Variants in ZNF700 observed in about 807,000 individuals in gnomAD.
ZNF700 encodes zinc finger protein 700.
Under a neutral mutation model 65.3 loss-of-function variants are expected in ZNF700, and 38 were observed. That is an observed-to-expected ratio of 0.58 (90% CI 0.45 to 0.76). The LOEUF (loss-of-function observed/expected upper bound fraction) is 0.76. Among genes scored for constraint, ZNF700 ranks in the 30% least tolerant of loss-of-function variants. The pLI is 0.00. For missense variants in ZNF700, 857 were observed against 888.4 expected, an observed-to-expected ratio of 0.96 and a Z score of 0.45; for synonymous variants, 285 against 290.4, an observed-to-expected ratio of 0.98 and a Z score of 0.19.
chr19:11,928,270 A>G (rs1972662161), intron 1 of ZNF700, among the ~76,000 whole-genome samples: 1 of 152,118 alleles, frequency 6.6e-6, no homozygotes, highest in Non-Finnish European at 1.5e-5. Context: ...ACAGATACAG[A>G]TATCAGCCAC....
chr19:11,936,676 G>A (rs556198781), intron 1 of ZNF700, among the ~76,000 whole-genome samples: 9 of 152,292 alleles, frequency 5.9e-5, no homozygotes. Flanking sequence ...TTGCTGTGCA[G>A]AAGCTCTTTA....
intron 1 of ZNF700, among the ~76,000 whole-genome samples, chr19:11,937,305 G>A (rs1234718762): frequency 6.6e-6 from 1 of 151,966 alleles, no homozygotes; most frequent in Non-Finnish European, 1.5e-5. Flanking sequence ...TAATCCAGGT[G>A]TTTCAGTACC....
Position 11,947,241 on chromosome 19 carries a change from G to T in ZNF700, c.124G>T (p.Asp42Tyr), listed in dbSNP as rs1375946632. The change falls in exon 2 of 4, where the codon GAT (aspartate) becomes TAT (tyrosine). Residue 42 changes from aspartate (D) to tyrosine (Y), a missense_variant. This residue lies in a region of ZNF700 where 603 missense variants were observed against 619.9 expected (regional missense o/e 0.97). Coordinates refer to ENST00000254321, the MANE Select transcript of ZNF700 (RefSeq NM_144566.3). Reference sequence around the variant, plus strand: ...CACCCAGGAAGAGTGGACATTGCTGGATATTTCCCAGAAGAATCTCTTCAG... The same window carrying T: ...CACCCAGGAAGAGTGGACATTGCTGTATATTTCCCAGAAGAATCTCTTCAG... ...NFTQEEWTLLDISQKNLFREV... is the reference protein window; with the variant it reads ...NFTQEEWTLLYISQKNLFREV... 2 of 1,614,048 alleles carry T rather than the reference G, an allele frequency of 1.2e-6. No individual in the cohort carries two copies. Among genetic ancestry groups the T allele is most frequent in the Non-Finnish European group, 1.7e-6 (2 of 1,179,988 alleles).
At chr19:11,927,592 CTGTGCCTA>C (rs1972650650) in intron 1 of ZNF700, among the ~76,000 whole-genome samples, 1 of 152,086 alleles carries the variant, frequency 6.6e-6, no homozygotes, top group African/African-American at 2.4e-5. Context: ...AATAAACTAC[CTGTGCCTA>C]TGTGCATGTG....
At chr19:11,928,827 C>T (rs372103277) in intron 1 of ZNF700, among the ~76,000 whole-genome samples, 4 of 147,490 alleles carry the variant, frequency 2.7e-5, no homozygotes, top group African/African-American at 5.3e-5. Flanking sequence ...CACCTGTAAC[C>T]CCAGCACTGT....
At position 11,929,224 on chromosome 19, in the gene ZNF700, C is replaced by T. The variant is rs189376558; in HGVS notation, c.63+3951C>T. ...TCTGTCACCCAGGCTGGAGTGCAGG[C>T]GCGATCTCAGCTCACTGCAGCCTCC... On this transcript the variant is annotated intron_variant, in intron 1 of 3. Transcript: ENST00000254321. Among the ~76,000 whole-genome samples, 20 of 148,456 alleles carry T rather than the reference C, an allele frequency of 1.3e-4. 1 individual carries two copies. Among genetic ancestry groups the T allele is most frequent in the Admixed American group, 6.0e-4 (9 of 15,116 alleles).
chr19:11,927,000 A>G (rs188489090), intron 1 of ZNF700, among the ~76,000 whole-genome samples: 26 of 152,294 alleles, frequency 1.7e-4, no homozygotes, highest in Admixed American at 4.6e-4. Flanking sequence ...GAGTTCTTGA[A>G]TCTCACACAG....
chr19:11,935,229 T>A, intron 1 of ZNF700, among the ~76,000 whole-genome samples: 1 of 139,388 alleles, frequency 7.2e-6, no homozygotes. Flanking sequence ...CTTGGAAAGA[T>A]CTTGTTTTTT....
At chr19:11,933,545 C>T (rs1487409916) in intron 1 of ZNF700, among the ~76,000 whole-genome samples, 4 of 147,628 alleles carry the variant, frequency 2.7e-5, no homozygotes, top group Non-Finnish European at 4.4e-5. Flanking sequence ...TCTGCCACCC[C>T]TATTTATCCC....
rs796110833 is a variant in ZNF700 at position 11,942,909 on chromosome 19, T to TC, written c.64-4266dup. On this transcript the variant is annotated intron_variant, in intron 1 of 3. Transcript: ENST00000254321. ...TAAGAGAGGTGGTCTCCTTCCTTAT[T>TC]CCCCCCTTTGAGAATCTCACTTATT... 2.4e-4 allele frequency among the ~76,000 whole-genome samples: 37 copies of TC among 152,286 alleles called. 3 individuals are homozygous for TC. The highest frequency in any genetic ancestry group is 7.9e-4 in the African/African-American group (33 of 41,558).
chr19:11,950,032 C>T lies in ZNF700; in HGVS notation c.2008C>T (p.His670Tyr). The T allele has an allele frequency of 6.2e-7, 1 of 1,614,040 alleles. No homozygotes were observed. Among genetic ancestry groups the T allele is most frequent in the Non-Finnish European group, 8.5e-7 (1 of 1,179,992 alleles). Residue 670 changes from histidine to tyrosine, a missense_variant, in exon 4 of 4, where the codon CAC (histidine) becomes TAC (tyrosine). Physicochemically the swap from His to Tyr is moderately conservative, Grantham distance 83. Coordinates refer to ENST00000254321, the MANE Select transcript of ZNF700 (RefSeq NM_144566.3). ...TTCTTTTCAAATACATGAAAGGAAG[C>T]ACAGAGGAGAGAAGCCCTATGAATG... ...FSSFQIHERK[H>Y]RGEKPYECKH...
chr19:11,943,755 G>C (rs1972919844), intron 1 of ZNF700, among the ~76,000 whole-genome samples: 1 of 152,174 alleles, frequency 6.6e-6, no homozygotes, highest in South Asian at 2.1e-4. Context: ...AATACACTGG[G>C]AACAATCTTC....
intron 1 of ZNF700, among the ~76,000 whole-genome samples, chr19:11,937,380 G>A (rs1246531074): frequency 6.6e-6 from 1 of 151,894 alleles, no homozygotes; most frequent in Non-Finnish European, 1.5e-5. Context: ...GTCTCCCTAT[G>A]TTGCCCAGGC....
Position 11,950,350 on chromosome 19 carries a change from C to G in ZNF700, c.*97C>G. The stretch of plus-strand genomic sequence containing the variant: ...AACTTTCACATTTTCCAGTTCTTTT[C>G]GATATCATGAAAGGACTCACACTGG... On this transcript the variant is annotated 3_prime_UTR_variant, in exon 4 of 4. Coordinates refer to ENST00000254321, the MANE Select transcript of ZNF700 (RefSeq NM_144566.3). The G allele has an allele frequency of 2.3e-6, 3 of 1,300,546 alleles. No homozygotes were observed. Among genetic ancestry groups the G allele is most frequent in the Non-Finnish European group, 3.3e-6 (3 of 921,156 alleles). The allele number at this position is 1,300,546 out of a possible 1,614,324, so 80.6% of individuals were successfully genotyped here. A position where few individuals can be genotyped will look rare whatever the true frequency, so the allele number is the denominator to read the frequency against.
rs9748984 is a variant in ZNF700 at position 11,938,549 on chromosome 19, A to G, written c.64-8632A>G. 1.7e-3 allele frequency among the ~76,000 whole-genome samples: 259 copies of G among 152,244 alleles called. 4 individuals carry two copies. The highest frequency in any genetic ancestry group is 5.8e-3 in the African/African-American group (243 of 41,544). Reference sequence around the variant, plus strand: ...GGTTTCCAGCTTCATCCATGTCCCTACAAAGGACATGAACTCATCCTTTTT... The same window carrying G: ...GGTTTCCAGCTTCATCCATGTCCCTGCAAAGGACATGAACTCATCCTTTTT... On this transcript the variant is annotated intron_variant, in intron 1 of 3. Coordinates refer to ENST00000254321, the MANE Select transcript of ZNF700 (RefSeq NM_144566.3).
chr19:11,945,582 A>C (rs1355964415), intron 1 of ZNF700, among the ~76,000 whole-genome samples: 2 of 152,024 alleles, frequency 1.3e-5, no homozygotes, highest in Non-Finnish European at 2.9e-5. Context: ...CCCAGGCTTA[A>C]CTTCTGTAGG....
intron 1 of ZNF700, among the ~76,000 whole-genome samples, chr19:11,934,952 G>A (rs58502739): frequency 2.0e-5 from 3 of 147,190 alleles, no homozygotes; most frequent in Non-Finnish European, 3.0e-5. Flanking sequence ...AGGCCAAGGC[G>A]GGTGGATCAG....
chr19:11,944,197 G>T (rs143516150), intron 1 of ZNF700, among the ~76,000 whole-genome samples: 17 of 152,122 alleles, frequency 1.1e-4, no homozygotes, highest in African/African-American at 4.1e-4. Context: ...TGTAGCTGTC[G>T]CTGTAACTTA....
rs748799074 is a variant in ZNF700, at chr19:11,949,332, C to T, written c.1308C>T (p.His436=). 5.1e-5 allele frequency: 82 copies of T among 1,593,680 alleles called. 1 individual carries two copies. The highest frequency in any genetic ancestry group is 7.9e-5 in the South Asian group (7 of 88,540). ...AFRSASQLRV[H]GGTHTGEKPY... ...GATCTGCCTCACAGCTTCGAGTGCA[C>T]GGTGGGACTCACACTGGAGAGAAAC... The change falls in exon 4 of 4, where the codon CAC becomes CAT. Residue 436 remains histidine (H), a synonymous_variant. Transcript: ENST00000254321.
Sources: gnomAD v4.1 joint callset for allele counts (sites outside exome capture counted in the v4.1 genomes callset) on GRCh38, gnomAD v4.1.1 for gene constraint, gnomAD v4.1.1 regional missense constraint, MANE v1.5 for transcripts, NCBI Gene and HGNC (gene_info 2026-07-23, HGNC 2026-07-21) for gene names.